GNA12: variants seen among roughly 807,000 people sequenced by gnomAD.
GNA12 encodes the protein G protein subunit alpha 12.
GNA12 carries 9 observed loss-of-function variants against 26.0 expected under a neutral mutation model. The observed-to-expected ratio is 0.35, with a 90% CI of 0.21 to 0.60. The LOEUF (loss-of-function observed/expected upper bound fraction) is 0.60. GNA12 is among the 20% of genes least tolerant of loss of function. The pLI is 0.78. For missense variants in GNA12, 405 were observed against 525.8 expected, an observed-to-expected ratio of 0.77 and a Z score of 2.25; for synonymous variants, 264 against 219.6, an observed-to-expected ratio of 1.20 and a Z score of -1.79.
chr7:2,834,488 T>C lies in GNA12; in HGVS notation c.309+9365A>G, dbSNP rs1778772277. 2.0e-5 allele frequency among the ~76,000 whole-genome samples: 3 copies of C among 152,172 alleles called. No homozygotes were observed. The South Asian group carries it at 6.2e-4, about 31-fold the overall frequency. ...CGAGTGGAGAGTAGGGGCTCTGCAA[T>C]ATGCACTGAATATCCCTTCTGCATC... On this transcript the variant is annotated intron_variant, in intron 1 of 3. Transcript: ENST00000275364.
At chr7:2,763,060 G>T (rs2115403783) in intron 2 of GNA12, 2 of 1,246,484 alleles carry the variant, frequency 1.6e-6, no homozygotes, top group South Asian at 7.4e-5. Flanking sequence ...CCAGGACGCA[G>T]ACCGGGGCTC....
chr7:2,788,488 C>G lies in GNA12; in HGVS notation c.525+6440G>C, dbSNP rs10239905. On this transcript the variant is annotated intron_variant, in intron 2 of 3. Transcript: ENST00000275364. ...CTGGACCGAGCAAGAAAAGACACAA[C>G]TTATATTCACAACTTAGTTACTACA... 4.3e-3 allele frequency among the ~76,000 whole-genome samples: 661 copies of G among 152,334 alleles called. 5 individuals are homozygous for G. The highest frequency in any genetic ancestry group is 0.015 in the African/African-American group (633 of 41,578).
chr7:2,747,502 G>T (rs984796275), intron 2 of GNA12, among the ~76,000 whole-genome samples: 1 of 152,084 alleles, frequency 6.6e-6, no homozygotes, highest in African/African-American at 2.4e-5. Flanking sequence ...AACAAATTAG[G>T]TATTGATGGG....
intron 2 of GNA12, among the ~76,000 whole-genome samples, chr7:2,791,854 T>G (rs1193231744): frequency 6.6e-6 from 1 of 152,160 alleles, no homozygotes; most frequent in East Asian, 1.9e-4. Flanking sequence ...AATAAAATGC[T>G]CCATCATTTT....
chr7:2,754,740 C>A (rs1791210344), intron 2 of GNA12, among the ~76,000 whole-genome samples: 2 of 152,138 alleles, frequency 1.3e-5, no homozygotes, highest in African/African-American at 2.4e-5. Context: ...CAGAGTGAGA[C>A]CCTGCCTCAA....
intron 2 of GNA12, among the ~76,000 whole-genome samples, chr7:2,743,857 G>T (rs115757943): frequency 6.6e-6 from 1 of 151,954 alleles, no homozygotes; most frequent in Non-Finnish European, 1.5e-5. Flanking sequence ...CTTAAAAAAC[G>T]GCACACCAGA....
chr7:2,765,180 C>G (rs1791752312), intron 2 of GNA12: 1 of 151,156 alleles, frequency 6.6e-6, no homozygotes, highest in Non-Finnish European at 1.5e-5. Context: ...CGGAGTCTCG[C>G]TCTGTCGCCC....
At chr7:2,781,266 T>C (rs979979108) in intron 2 of GNA12, among the ~76,000 whole-genome samples, 1 of 152,126 alleles carries the variant, frequency 6.6e-6, no homozygotes, top group African/African-American at 2.4e-5. Context: ...GTACTTTTAG[T>C]TCTTTAAGAA....
chr7:2,757,396 C>T (rs867573150), intron 2 of GNA12, among the ~76,000 whole-genome samples: 12 of 151,990 alleles, frequency 7.9e-5, no homozygotes, highest in Admixed American at 2.0e-4. Context: ...AGCACACAGC[C>T]GTGTTATGAG....
intron 2 of GNA12, chr7:2,762,488 C>T (rs758629683): frequency 3.9e-6 from 3 of 765,146 alleles, no homozygotes; most frequent in Non-Finnish European, 6.0e-6. Flanking sequence ...TGTGCGGGGC[C>T]TGAGGTGTGA....
At chr7:2,738,624 G>A (rs1300358770) in intron 2 of GNA12, among the ~76,000 whole-genome samples, 2 of 152,092 alleles carry the variant, frequency 1.3e-5, no homozygotes, top group African/African-American at 4.8e-5. Flanking sequence ...CTTCTAGGGA[G>A]GGAGGGAATG....
At chr7:2,805,357 C>CA (rs1311179493) in intron 1 of GNA12, among the ~76,000 whole-genome samples, 4 of 152,208 alleles carry the variant, frequency 2.6e-5, no homozygotes, top group Non-Finnish European at 4.4e-5. Context: ...AGCGGAAGCT[C>CA]AAAATCACAC....
At chr7:2,779,415 T>C (rs895080145) in intron 2 of GNA12, among the ~76,000 whole-genome samples, 21 of 151,528 alleles carry the variant, frequency 1.4e-4, no homozygotes, top group Non-Finnish European at 1.9e-4. Context: ...GAGACTGAAG[T>C]GGGAGAATTG....
At chr7:2,780,080 ATATATATATATAT>A (rs1792190007) in intron 2 of GNA12, among the ~76,000 whole-genome samples, 1 of 106,936 alleles carries the variant, frequency 9.4e-6, no homozygotes, top group African/African-American at 3.1e-5. Flanking sequence ...ATATATATAT[ATATATATATATAT>A]GCCTGTTTTC....
chr7:2,763,762 G>T (rs1276613548), intron 2 of GNA12, among the ~76,000 whole-genome samples: 1 of 152,160 alleles, frequency 6.6e-6, no homozygotes, highest in South Asian at 2.1e-4. Flanking sequence ...TCCCCCACAG[G>T]CTCTGCTTTT....
intron 2 of GNA12, among the ~76,000 whole-genome samples, chr7:2,767,589 A>T (rs1791838982): frequency 6.6e-6 from 1 of 151,016 alleles, no homozygotes; most frequent in African/African-American, 2.4e-5. Flanking sequence ...ACACACAAGA[A>T]CAACTGTTTC....
intron 2 of GNA12, among the ~76,000 whole-genome samples, chr7:2,772,159 G>C (rs941233560): frequency 6.6e-6 from 1 of 152,188 alleles, no homozygotes; most frequent in African/African-American, 2.4e-5. Flanking sequence ...ATCTGACAAA[G>C]GACTCATATC....
At position 2,780,050 on chromosome 7, in the gene GNA12, A is replaced by G. The variant is rs573919147; in HGVS notation, c.525+14878T>C. Among the ~76,000 whole-genome samples the G allele has an allele frequency of 2.0e-3, 84 of 41,190 alleles. 2 individuals are homozygous for G. The highest frequency in any genetic ancestry group is 5.7e-3 in the African/African-American group (65 of 11,454). The allele number at this position is 41,190 out of a possible 152,430, so 27.0% of individuals were successfully genotyped here. A position where few individuals can be genotyped will look rare whatever the true frequency, so the allele number is the denominator to read the frequency against. ...ACTAGTTTTTTACACATTTCTGTGT[A>G]CATATATATATATATATATATATAT... On this transcript the variant is annotated intron_variant, in intron 2 of 3. Coordinates refer to ENST00000275364, the MANE Select transcript of GNA12 (RefSeq NM_007353.3).
intron 2 of GNA12, among the ~76,000 whole-genome samples, chr7:2,773,748 C>G (rs1007787794): frequency 1.3e-5 from 2 of 152,268 alleles, no homozygotes; most frequent in Non-Finnish European, 2.9e-5. Context: ...CCTGGATGCC[C>G]CAGCAAGTCC....
Sources: allele counts gnomAD v4.1 joint callset (sites outside exome capture counted in the v4.1 genomes callset), GRCh38; gene constraint gnomAD v4.1.1; transcripts MANE v1.5; gene names NCBI Gene and HGNC (gene_info 2026-07-23, HGNC 2026-07-21).